MDGA2: variants seen among roughly 807,000 people sequenced by gnomAD.
MDGA2 encodes the protein MAM domain containing glycosylphosphatidylinositol anchor 2.
A neutral mutation model predicts 117.8 loss-of-function variants in MDGA2; 40 were observed. That is an observed-to-expected ratio of 0.34 (90% CI 0.26 to 0.44). The LOEUF (loss-of-function observed/expected upper bound fraction) is 0.44. Ranked by LOEUF, MDGA2 falls within the 20% of genes least tolerant of loss-of-function variation. MDGA2 has a pLI of 1.00. For synonymous variants in MDGA2, 452 were observed against 439.0 expected (o/e 1.03, Z -0.37); for missense variants, 1,123 against 1,250.6 (o/e 0.90, Z 1.54).
chr14:47,145,571 T>C (rs1882910092), intron 3 of MDGA2, among the ~76,000 whole-genome samples: 1 of 152,208 alleles, frequency 6.6e-6, no homozygotes, highest in South Asian at 2.1e-4. Flanking sequence ...ATGCAAAACC[T>C]GCTGTGTTCA....
chr14:47,495,770 A>G (rs955365614), intron 1 of MDGA2, among the ~76,000 whole-genome samples: 1 of 152,204 alleles, frequency 6.6e-6, no homozygotes, highest in Non-Finnish European at 1.5e-5. Flanking sequence ...ATTTAATAGA[A>G]GGAAAGAAAT....
chr14:47,229,552 A>G (rs996525656), intron 2 of MDGA2, among the ~76,000 whole-genome samples: 3 of 152,086 alleles, frequency 2.0e-5, no homozygotes, highest in Non-Finnish European at 4.4e-5. Context: ...AAGATCTGTT[A>G]ATCAAATGCA....
chr14:47,633,391 T>C (rs1374997599), intron 1 of MDGA2, among the ~76,000 whole-genome samples: 1 of 152,206 alleles, frequency 6.6e-6, no homozygotes, highest in Non-Finnish European at 1.5e-5. Flanking sequence ...TGTGCACTTT[T>C]AAAAGCTGCT....
chr14:47,619,142 CACACACACAGAT>C (rs1294248382), intron 1 of MDGA2, among the ~76,000 whole-genome samples: 3 of 133,284 alleles, frequency 2.3e-5, no homozygotes, highest in Admixed American at 8.5e-5. Flanking sequence ...CACACACACA[CACACACACAGAT>C]ACATTATCTA....
intron 1 of MDGA2, among the ~76,000 whole-genome samples, chr14:47,668,921 G>A (rs969378897): frequency 1.3e-5 from 2 of 152,108 alleles, no homozygotes; most frequent in Admixed American, 6.5e-5. Context: ...TACAAACCTT[G>A]AGCCCAACCC....
chr14:47,191,380 G>C (rs1224130645), intron 3 of MDGA2, among the ~76,000 whole-genome samples: 1 of 148,466 alleles, frequency 6.7e-6, no homozygotes, highest in Non-Finnish European at 1.5e-5. Context: ...ATTAGCTTCT[G>C]AATGTATACA....
intron 7 of MDGA2, among the ~76,000 whole-genome samples, chr14:47,054,670 A>T (rs191020019): frequency 6.6e-6 from 1 of 151,990 alleles, no homozygotes; most frequent in Admixed American, 6.6e-5. Flanking sequence ...GACCAATGGA[A>T]CAGAACAGAG....
At chr14:47,113,621 TA>T (rs1408810836) in intron 5 of MDGA2, among the ~76,000 whole-genome samples, 2 of 152,310 alleles carry the variant, frequency 1.3e-5, no homozygotes, top group East Asian at 3.9e-4. Flanking sequence ...TCAATAAACA[TA>T]ATTCATCACA....
intron 6 of MDGA2, among the ~76,000 whole-genome samples, chr14:47,062,500 T>C (rs1385165109): frequency 5.2e-5 from 2 of 38,604 alleles, no homozygotes; most frequent in Non-Finnish European, 1.0e-4. Context: ...CAGATTTTTC[T>C]TTTTTTTTTT....
chr14:46,849,539 A>G (rs1160561784), intron 15 of MDGA2, among the ~76,000 whole-genome samples: 1 of 151,890 alleles, frequency 6.6e-6, no homozygotes, highest in Non-Finnish European at 1.5e-5. Context: ...AGATTAGACA[A>G]ATATAAAGTG....
chr14:46,929,649 A>ATTTTTTTTTTTTTT (rs1180832509), intron 9 of MDGA2, among the ~76,000 whole-genome samples: 5 of 13,704 alleles, frequency 3.6e-4, no homozygotes, highest in African/African-American at 6.2e-4. Flanking sequence ...ATATATATAC[A>ATTTTTTTTTTTTTT]TTTTTTTTTT....
intron 1 of MDGA2, among the ~76,000 whole-genome samples, chr14:47,355,725 G>T (rs543968993): frequency 1.3e-5 from 2 of 152,194 alleles, no homozygotes; most frequent in East Asian, 3.9e-4. Flanking sequence ...AACCACCTGG[G>T]CCTTCCCCAC....
At chr14:46,947,833 A>C in intron 9 of MDGA2, among the ~76,000 whole-genome samples, 1 of 150,902 alleles carries the variant, frequency 6.6e-6, no homozygotes, top group Admixed American at 6.6e-5. Context: ...TTTACTTTCT[A>C]ATTTAAAAAA....
chr14:47,418,202 G>C (rs566203344), intron 1 of MDGA2, among the ~76,000 whole-genome samples: 18 of 151,978 alleles, frequency 1.2e-4, no homozygotes, highest in Non-Finnish European at 2.4e-4. Flanking sequence ...TCAACCTCCC[G>C]AGTTGAGGAT....
At chr14:47,079,214 A>G (rs1201693517) in intron 6 of MDGA2, among the ~76,000 whole-genome samples, 1 of 133,942 alleles carries the variant, frequency 7.5e-6, no homozygotes, top group Non-Finnish European at 1.7e-5. Flanking sequence ...GAAGGCATAA[A>G]TTAGGGCAAT....
intron 4 of MDGA2, among the ~76,000 whole-genome samples, chr14:47,142,017 T>A (rs999092344): frequency 2.6e-5 from 4 of 152,234 alleles, no homozygotes; most frequent in African/African-American, 9.6e-5. Flanking sequence ...ATCAATTTTT[T>A]AAAAGTTTGA....
intron 1 of MDGA2, among the ~76,000 whole-genome samples, chr14:47,570,267 C>A (rs1047280685): frequency 2.0e-5 from 3 of 152,112 alleles, no homozygotes; most frequent in Non-Finnish European, 4.4e-5. Context: ...ATATTATATT[C>A]TTGGTGCAAA....
rs933559274 is a variant in MDGA2 at position 47,301,577 on chromosome 14, A to T, written c.281-27T>A. On this transcript the variant is annotated intron_variant, in intron 1 of 16. Coordinates refer to ENST00000399232, the MANE Select transcript of MDGA2 (RefSeq NM_001113498.3). ...TGTCGAGTCAGGAAGAAGAGAGACA[A>T]GATACATGAAAAGGTAAGTCAGTGA... 1.4e-5 allele frequency: 22 copies of T among 1,551,138 alleles called. No homozygotes were observed. In the Admixed American group the frequency reaches 3.1e-4, roughly 22 times the overall value.
intron 1 of MDGA2, among the ~76,000 whole-genome samples, chr14:47,533,705 C>T (rs527927467): frequency 1.3e-5 from 2 of 152,272 alleles, no homozygotes; most frequent in East Asian, 3.9e-4. Flanking sequence ...CCTCCTATCA[C>T]TCCTGTGTAT....
Sources: allele counts gnomAD v4.1 joint callset (sites outside exome capture counted in the v4.1 genomes callset), GRCh38; gene constraint gnomAD v4.1.1; transcripts MANE v1.5; gene names NCBI Gene and HGNC (gene_info 2026-07-23, HGNC 2026-07-21).